MAD1L1: variants seen among roughly 807,000 people sequenced by gnomAD.
MAD1L1 encodes mitotic arrest deficient 1 like 1.
In MAD1L1, 95 loss-of-function variants were observed where a neutral mutation model predicts 96.9. The ratio of observed to expected loss-of-function variants is 0.98; its 90% CI spans 0.83 to 1.16. The LOEUF (loss-of-function observed/expected upper bound fraction) is 1.16. Ranked by LOEUF, MAD1L1 falls within the 50% of genes most tolerant of loss-of-function variation. MAD1L1 has a pLI of 0.00. For synonymous variants in MAD1L1, 473 were observed against 396.6 expected (o/e 1.19, Z -2.29); for missense variants, 1,007 against 954.4 (o/e 1.06, Z -0.73).
intron 11 of MAD1L1, among the ~76,000 whole-genome samples, chr7:2,091,633 G>A (rs543857991): frequency 4.6e-5 from 7 of 152,224 alleles, no homozygotes; most frequent in East Asian, 3.9e-4. Flanking sequence ...AAAATTAGCC[G>A]GGCTTAGTGG....
Position 2,142,588 on chromosome 7 carries a change from C to T in MAD1L1, c.1073+6564G>A, listed in dbSNP as rs184876882. Among the ~76,000 whole-genome samples, 1 of 152,316 alleles carries T rather than the reference C, an allele frequency of 6.6e-6. No homozygotes were observed. Among genetic ancestry groups the T allele is most frequent in the East Asian group, 1.9e-4 (1 of 5,186 alleles). The stretch of plus-strand genomic sequence containing the variant: ...GCCACCCAGAGCTCCTGGCGCGTGC[C>T]CTGCCACAGCCCTGGACCAGACAGG... On this transcript the variant is annotated intron_variant, in intron 11 of 18. Transcript: ENST00000265854. This position sits in a 1 kb window ranked among gnomAD's most constrained non-coding sequence, Gnocchi z 4.7.
intron 18 of MAD1L1, among the ~76,000 whole-genome samples, chr7:1,880,503 C>T (rs1785624115): frequency 6.6e-6 from 1 of 152,206 alleles, no homozygotes; most frequent in African/African-American, 2.4e-5. Context: ...GCCCCAAAGT[C>T]CTCCCCTCCT....
chr7:1,989,008 G>A (rs1781286693), intron 14 of MAD1L1, among the ~76,000 whole-genome samples: 1 of 152,218 alleles, frequency 6.6e-6, no homozygotes, highest in Admixed American at 6.5e-5. Flanking sequence ...TCACATACCT[G>A]AGAAGGGTCT....
intron 10 of MAD1L1, among the ~76,000 whole-genome samples, chr7:2,151,165 A>G (rs1789551226): frequency 6.6e-6 from 1 of 152,244 alleles, no homozygotes; most frequent in Non-Finnish European, 1.5e-5. Flanking sequence ...TTTCTGAAAC[A>G]TTTGAATGAG....
rs1276860830 is a variant in MAD1L1 at position 1,829,264 on chromosome 7, C to T, written c.1999-13036G>A. On this transcript the variant is annotated intron_variant, in intron 18 of 18. Coordinates refer to ENST00000265854, the MANE Select transcript of MAD1L1 (RefSeq NM_001013836.2). Reference sequence around the variant, plus strand: ...GACTTACAGCGGATGCAAAGTGGGGCGCAAGTGCTGGCTTCCCCTCTGCAG... The same window carrying T: ...GACTTACAGCGGATGCAAAGTGGGGTGCAAGTGCTGGCTTCCCCTCTGCAG... Among the ~76,000 whole-genome samples, 21 of 152,344 alleles carry T rather than the reference C, an allele frequency of 1.4e-4. No individual in the cohort carries two copies. The East Asian group carries it at 2.9e-3, about 21-fold the overall frequency.
intron 15 of MAD1L1, among the ~76,000 whole-genome samples, chr7:1,975,035 C>T (rs1017315487): frequency 5.9e-5 from 9 of 152,252 alleles, no homozygotes; most frequent in Admixed American, 2.6e-4. Context: ...GGGCCGCTGT[C>T]GCTACCGGCA....
chr7:2,104,397 C>T (rs1056175536), intron 11 of MAD1L1, among the ~76,000 whole-genome samples: 3 of 152,254 alleles, frequency 2.0e-5, no homozygotes, highest in Non-Finnish European at 2.9e-5. Flanking sequence ...CCAAGGGGGA[C>T]GCAGTCTGGC....
At chr7:1,978,729 G>A (rs747593284) in intron 15 of MAD1L1, among the ~76,000 whole-genome samples, 3 of 152,094 alleles carry the variant, frequency 2.0e-5, no homozygotes, top group Non-Finnish European at 4.4e-5. Flanking sequence ...AGGCTGTAAC[G>A]ACAGAGCCTC....
chr7:2,072,496 T>C (rs1562659434), intron 11 of MAD1L1, among the ~76,000 whole-genome samples: 1 of 152,098 alleles, frequency 6.6e-6, no homozygotes, highest in Non-Finnish European at 1.5e-5. Flanking sequence ...GGGAAACACA[T>C]ATTATGAGGC....
intron 11 of MAD1L1, among the ~76,000 whole-genome samples, chr7:2,139,998 C>T (rs990662708): frequency 2.1e-5 from 3 of 143,986 alleles, no homozygotes; most frequent in Non-Finnish European, 1.5e-5. Flanking sequence ...CCCGCCCCCC[C>T]CCAGTCCCTG....
At chr7:1,833,083 G>A (rs1782787756) in intron 18 of MAD1L1, among the ~76,000 whole-genome samples, 1 of 152,204 alleles carries the variant, frequency 6.6e-6, no homozygotes, top group African/African-American at 2.4e-5. Context: ...GCATTTTTAA[G>A]CAATAAAGTA....
chr7:2,062,385 G>A (rs914735215), intron 12 of MAD1L1, among the ~76,000 whole-genome samples: 10 of 151,970 alleles, frequency 6.6e-5, no homozygotes, highest in Non-Finnish European at 1.0e-4. Context: ...GACCAACCTG[G>A]CCAACATGGT....
At chr7:1,862,964 G>A (rs1422273773) in intron 18 of MAD1L1, among the ~76,000 whole-genome samples, 2 of 152,242 alleles carry the variant, frequency 1.3e-5, no homozygotes, top group Non-Finnish European at 2.9e-5. Context: ...TGTCTTCAGG[G>A]GATCAGACAA....
chr7:1,992,312 C>T (rs1038099036), intron 14 of MAD1L1, among the ~76,000 whole-genome samples: 5 of 151,852 alleles, frequency 3.3e-5, no homozygotes, highest in Admixed American at 6.6e-5. Context: ...TATGTGGCTT[C>T]CAAGGGCTCC....
intron 11 of MAD1L1, among the ~76,000 whole-genome samples, chr7:2,076,435 C>T (rs1437951414): frequency 6.6e-6 from 1 of 152,222 alleles, no homozygotes; most frequent in Non-Finnish European, 1.5e-5. Context: ...TCCTCAGACC[C>T]GGCACTGCCA....
At chr7:1,978,784 A>G (rs557245526) in intron 15 of MAD1L1, among the ~76,000 whole-genome samples, 18 of 152,294 alleles carry the variant, frequency 1.2e-4, no homozygotes, top group Admixed American at 1.2e-3. Flanking sequence ...GGAGACGCAG[A>G]TGAAGACGGA....
At chr7:1,879,171 G>T (rs1368180971) in intron 18 of MAD1L1, among the ~76,000 whole-genome samples, 2 of 152,178 alleles carry the variant, frequency 1.3e-5, no homozygotes, top group African/African-American at 4.8e-5. Flanking sequence ...ACACAATATT[G>T]TTAGAATGTC....
chr7:1,900,661 G>A (rs1583706529), intron 17 of MAD1L1, among the ~76,000 whole-genome samples: 1 of 152,164 alleles, frequency 6.6e-6, no homozygotes, highest in Admixed American at 6.5e-5. Context: ...AAGGAAGAAC[G>A]CAGAGACCAC....
chr7:1,900,598 C>T (rs748785021), intron 17 of MAD1L1, among the ~76,000 whole-genome samples: 127 of 152,292 alleles, frequency 8.3e-4, no homozygotes, highest in Middle Eastern at 3.4e-3. Flanking sequence ...CTGCGTCCCT[C>T]GGCTGATCCT....
Sources: gnomAD v4.1 joint callset for allele counts (sites outside exome capture counted in the v4.1 genomes callset) on GRCh38, gnomAD v4.1.1 for gene constraint, Gnocchi (gnomAD v3.1) non-coding constraint, MANE v1.5 for transcripts, NCBI Gene and HGNC (gene_info 2026-07-23, HGNC 2026-07-21) for gene names.